Variants in ASXL1 observed in about 807,000 individuals in gnomAD.
ASXL1 encodes the protein ASXL transcriptional regulator 1, also known as polycomb group protein ASXL1.
In ASXL1, 65 loss-of-function variants were observed where a neutral mutation model predicts 89.1. The ratio of observed to expected loss-of-function variants is 0.73; its 90% CI spans 0.60 to 0.90. The LOEUF (loss-of-function observed/expected upper bound fraction) is 0.90. ASXL1 is among the 40% of genes least tolerant of loss of function. ASXL1 has a pLI of 0.00. For synonymous variants in ASXL1, 739 were observed against 746.9 expected, an observed-to-expected ratio of 0.99 and a Z score of 0.17; for missense variants, 1,786 against 1,942.9, an observed-to-expected ratio of 0.92 and a Z score of 1.52.
intron 4 of ASXL1, among the ~76,000 whole-genome samples, chr20:32,385,058 G>A (rs1317508774): frequency 6.6e-6 from 1 of 152,146 alleles, no homozygotes; most frequent in East Asian, 1.9e-4. Context: ...GGGAGAGTTA[G>A]TTGAAGAATT....
chr20:32,373,293 C>CT (rs1305147146), intron 4 of ASXL1, among the ~76,000 whole-genome samples: 1 of 152,008 alleles, frequency 6.6e-6, no homozygotes, highest in African/African-American at 2.4e-5. Flanking sequence ...AGGAGAATCA[C>CT]TTTAACCCGG....
rs1396243394 is a variant in ASXL1, at chr20:32,358,520, GCAGCCGCCGCTGC to G, written c.-254_-242del. The G allele has an allele frequency of 1.3e-5, 3 of 224,740 alleles. No homozygotes were observed. The highest frequency in any genetic ancestry group is 2.7e-5 in the Non-Finnish European group (3 of 112,722). The allele number at this position is 224,740 out of a possible 1,614,324, so 13.9% of individuals were successfully genotyped here. A position where few individuals can be genotyped will look rare whatever the true frequency, so the allele number is the denominator to read the frequency against. On this transcript the variant is annotated 5_prime_UTR_variant, in exon 1 of 13. Transcript: ENST00000375687. ...CGCCGCATTCCTTAGCGATCGCGGG[GCAGCCGCCGCTGC>G]CGCCGTGGGCGACTGACGCAGCGCG... is the stretch of plus-strand genomic sequence containing the variant.
chr20:32,430,320 TAGTA>T, intron 8 of ASXL1: 1 of 439,016 alleles, frequency 2.3e-6, no homozygotes, highest in East Asian at 3.7e-5. Flanking sequence ...TTGTACTGCA[TAGTA>T]AGTGTTTGAG....
At chr20:32,423,405 G>T (rs984500132) in intron 4 of ASXL1, among the ~76,000 whole-genome samples, 10 of 150,816 alleles carry the variant, frequency 6.6e-5, no homozygotes, top group South Asian at 2.1e-4. Flanking sequence ...AATTTTTTGT[G>T]TGTGTGTGTA....
chr20:32,435,012 C>A lies in ASXL1; in HGVS notation c.2300C>A (p.Ser767Tyr), dbSNP rs376999466. The A allele has an allele frequency of 1.9e-5, 31 of 1,614,072 alleles. No homozygotes were observed. The highest frequency in any genetic ancestry group is 2.5e-5 in the Non-Finnish European group (29 of 1,180,046). The change falls in exon 13 of 13, where the codon TCC becomes TAC. Residue 767 changes from serine to tyrosine, a missense_variant. Ser to Tyr is a moderately radical substitution (Grantham distance 144, BLOSUM62 -2). Around this residue, in one of 3 missense-constraint regions of ASXL1, gnomAD observed 1,418 missense variants for 1,427.8 expected, o/e 0.99. Transcript: ENST00000375687. ...QPCQALPLLS[S>Y]QTSVAERLVE... ...TGCCAGGCCTTGCCCCTACTGTCCT[C>A]CCAAACCTCAGTAGCTGAGAGATTA...
chr20:32,425,901 C>T (rs1458203726), intron 4 of ASXL1, among the ~76,000 whole-genome samples: 1 of 152,174 alleles, frequency 6.6e-6, no homozygotes, highest in East Asian at 1.9e-4. Flanking sequence ...GACAGGGTTT[C>T]ACCATGTTGA....
chr20:32,386,394 T>C (rs1318975514), intron 4 of ASXL1, among the ~76,000 whole-genome samples: 4 of 152,220 alleles, frequency 2.6e-5, no homozygotes, highest in African/African-American at 9.6e-5. Context: ...TTTTTTTTTT[T>C]CTCAAAAGAA....
At chr20:32,422,667 A>T (rs1399491385) in intron 4 of ASXL1, among the ~76,000 whole-genome samples, 1 of 147,996 alleles carries the variant, frequency 6.8e-6, no homozygotes, top group African/African-American at 2.5e-5. Flanking sequence ...GCTCACTGCA[A>T]CCTTTGCCTT....
chr20:32,435,848 G>A lies in ASXL1; in HGVS notation c.3136G>A (p.Val1046Met), dbSNP rs1417067472. ...GAACCAATCTGCCCCACTGTCCAAG[G>A]TGAATGGTGACATGCGTCTGGTTAC... Reference protein sequence around the residue: ...NWNQSAPLSKVNGDMRLVTRT... With the variant: ...NWNQSAPLSKMNGDMRLVTRT... Residue 1046 changes from valine (V) to methionine (M), a missense_variant, in exon 13 of 13, where the codon GTG (valine) becomes ATG (methionine). Transcript: ENST00000375687. The A allele has an allele frequency of 2.5e-6, 4 of 1,614,208 alleles. No homozygotes were observed.
intron 1 of ASXL1, chr20:32,360,085 C>T (rs1231970994): frequency 2.2e-6 from 1 of 455,544 alleles, no homozygotes; most frequent in Non-Finnish European, 4.0e-6. Flanking sequence ...AAAAAATAGA[C>T]TGTATTGGGG....
rs780896078 is a variant in ASXL1, at chr20:32,435,174, A to G, written c.2462A>G (p.Asp821Gly). The G allele has an allele frequency of 7.4e-6, 12 of 1,613,864 alleles. No homozygotes were observed. In the Admixed American group the frequency reaches 1.7e-4, roughly 22 times the overall value. ...CCCATTCCGTCTCTAGTGGGAGATGATACATTAGAGAAAGGAACTGGCCAA... is the reference window on the plus strand; with the variant it reads ...CCCATTCCGTCTCTAGTGGGAGATGGTACATTAGAGAAAGGAACTGGCCAA... ...NGPIPSLVGD[D>G]TLEKGTGQAL... The change falls in exon 13 of 13, where the codon GAT becomes GGT. Residue 821 changes from aspartate to glycine, a missense_variant. Coordinates refer to ENST00000375687, the MANE Select transcript of ASXL1 (RefSeq NM_015338.6).
chr20:32,433,027 G>C (rs1172118980), intron 11 of ASXL1, 42 bp downstream of exon 11: 1 of 1,609,214 alleles, frequency 6.2e-7, no homozygotes, highest in African/African-American at 1.3e-5. Context: ...GGGGTTTTGA[G>C]GGGATAGAGG....
rs941795623 is a variant in ASXL1, at chr20:32,438,225, A to T, written c.*887A>T. ...TATATTTTTAACTCTTTATTCTTGG[A>T]TGTATAAAGTGAACTTTTTGGCTTC... On this transcript the variant is annotated 3_prime_UTR_variant, in exon 13 of 13. Coordinates refer to ENST00000375687, the MANE Select transcript of ASXL1 (RefSeq NM_015338.6). 8.6e-6 allele frequency: 2 copies of T among 233,402 alleles called. No homozygotes were observed. Among genetic ancestry groups the T allele is most frequent in the Non-Finnish European group, 1.7e-5 (2 of 117,906 alleles). The allele number at this position is 233,402 out of a possible 1,614,324, so 14.5% of individuals were successfully genotyped here. A position where few individuals can be genotyped will look rare whatever the true frequency, so the allele number is the denominator to read the frequency against.
At position 32,433,716 on chromosome 20, in the gene ASXL1, A is replaced by G. The variant is rs2123265710; in HGVS notation, c.1518A>G (p.Arg506=). 6.2e-7 allele frequency: 1 copy of G among 1,613,020 alleles called. No individual in the cohort carries two copies. The highest frequency in any genetic ancestry group is 1.3e-5 in the African/African-American group (1 of 74,956). ...NLARASASPD[R]IPSLPQETVD... is the part of the protein sequence containing the mutation. ...CACGTGCCTCTGCATCTCCAGACAG[A>G]ATTCCTAGCCTGCCTCAGGAAACTG... is the stretch of plus-strand genomic sequence containing the variant. The change falls in exon 12 of 13, where the codon AGA becomes AGG. Residue 506 remains arginine (R), a synonymous_variant. Transcript: ENST00000375687.
chr20:32,405,835 A>G (rs2048945059), intron 4 of ASXL1, among the ~76,000 whole-genome samples: 1 of 151,720 alleles, frequency 6.6e-6, no homozygotes, highest in South Asian at 2.1e-4. Context: ...CCTATTATTG[A>G]TTATCTCTTT....
intron 4 of ASXL1, among the ~76,000 whole-genome samples, chr20:32,383,355 A>G (rs1179143945): frequency 7.3e-5 from 11 of 151,288 alleles, no homozygotes; most frequent in African/African-American, 2.7e-4. Flanking sequence ...CGCCCAGGCT[A>G]GAGTGCAGTG....
At chr20:32,389,823 C>T (rs912410220) in intron 4 of ASXL1, among the ~76,000 whole-genome samples, 3 of 152,222 alleles carry the variant, frequency 2.0e-5, no homozygotes, top group Admixed American at 6.5e-5. Context: ...CCACCTTGGC[C>T]TCCCCAAGTG....
rs2011591992 is a variant in ASXL1, at chr20:32,433,407, G to A, written c.1209G>A (p.Gln403=). 4 of 1,614,154 alleles carry A rather than the reference G, an allele frequency of 2.5e-6. No individual in the cohort carries two copies. The highest frequency in any genetic ancestry group is 3.4e-6 in the Non-Finnish European group (4 of 1,180,030). ...VRIQRGPATR[Q]RDGHFKKRSR... ...TACAGCGTGGTCCAGCCACCCGACA[G>A]CGAGATGGGCATTTTAAGAAACGCT... is the stretch of plus-strand genomic sequence containing the variant. Residue 403 remains glutamine (Q), a synonymous_variant, in exon 12 of 13, where the codon CAG becomes CAA. Transcript: ENST00000375687.
At chr20:32,363,392 C>T (rs188922764) in intron 1 of ASXL1, among the ~76,000 whole-genome samples, 6 of 152,288 alleles carry the variant, frequency 3.9e-5, no homozygotes, top group Admixed American at 1.3e-4. Flanking sequence ...GTCAGTACTG[C>T]CCATCTTGGC....
Sources: gnomAD v4.1 joint callset for allele counts (sites outside exome capture counted in the v4.1 genomes callset) on GRCh38, gnomAD v4.1.1 for gene constraint, gnomAD v4.1.1 regional missense constraint, MANE v1.5 for transcripts, NCBI Gene and HGNC (gene_info 2026-07-23, HGNC 2026-07-21) for gene names.